The following AFF1 variants were observed in gnomAD, a reference collection of about 807,000 sequenced individuals.
AFF1 encodes ALF transcription elongation factor 1, also known as AF4/FMR2 family member 1.
Under a neutral mutation model 121.7 loss-of-function variants are expected in AFF1, and 48 were observed. The observed-to-expected ratio is 0.39, with a 90% CI of 0.31 to 0.50. The LOEUF is 0.50. Ranked by LOEUF, AFF1 falls within the 20% of genes least tolerant of loss-of-function variation. The pLI is 0.76. For missense variants in AFF1, 1,523 were observed against 1,511.7 expected (o/e 1.01, Z -0.12); for synonymous variants, 613 against 563.0 (o/e 1.09, Z -1.26).
chr4:87,066,744 G>A (rs1280067185), intron 4 of AFF1, among the ~76,000 whole-genome samples: 2 of 152,142 alleles, frequency 1.3e-5, no homozygotes, highest in African/African-American at 2.4e-5. Context: ...TGACTTGAGG[G>A]GTATCTTGGA....
chr4:87,111,997 CATAA>C (rs975591231), intron 11 of AFF1, among the ~76,000 whole-genome samples: 22 of 152,192 alleles, frequency 1.4e-4, no homozygotes, highest in Admixed American at 1.2e-3. Flanking sequence ...TGGGTTCACA[CATAA>C]ATAGTCTTCT....
chr4:87,112,430 G>A (rs564800088), intron 11 of AFF1, among the ~76,000 whole-genome samples: 6 of 152,290 alleles, frequency 3.9e-5, no homozygotes, highest in Non-Finnish European at 8.8e-5. Flanking sequence ...GCAGTATGGG[G>A]TAAACAGAAA....
intron 1 of AFF1, among the ~76,000 whole-genome samples, chr4:86,946,685 ACT>A (rs1226007169): frequency 1.3e-5 from 2 of 151,686 alleles, no homozygotes; most frequent in African/African-American, 2.4e-5. Context: ...CACCCGGCCC[ACT>A]CTCTTTATTC....
chr4:87,028,039 A>C (rs1304215151), intron 2 of AFF1, among the ~76,000 whole-genome samples: 1 of 152,026 alleles, frequency 6.6e-6, no homozygotes, highest in Non-Finnish European at 1.5e-5. Context: ...TCAGATTTTA[A>C]GATTAGTAGT....
chr4:87,047,288 A>C lies in AFF1; in HGVS notation c.753A>C (p.Lys251Asn), dbSNP rs1560572499. Residue 251 changes from lysine (K) to asparagine (N), a missense_variant, in exon 4 of 21, where the codon AAA becomes AAC. Lys to Asn is a moderately conservative substitution (Grantham distance 94, BLOSUM62 0). Transcript: ENST00000395146. ...SNNSKGYCPA[K>N]SPKDLAVKVH... ...ACAGTAAAGGCTATTGCCCAGCCAAATCTCCCAAGGACCTAGCAGTGAAAG... is the reference window on the plus strand; with the variant it reads ...ACAGTAAAGGCTATTGCCCAGCCAACTCTCCCAAGGACCTAGCAGTGAAAG... The C allele has an allele frequency of 6.2e-7, 1 of 1,614,186 alleles. No homozygotes were observed. Among genetic ancestry groups the C allele is most frequent in the Non-Finnish European group, 8.5e-7 (1 of 1,180,018 alleles).
chr4:87,074,428 T>C (rs1009453259), intron 4 of AFF1, among the ~76,000 whole-genome samples: 2 of 152,244 alleles, frequency 1.3e-5, no homozygotes, highest in African/African-American at 4.8e-5. Context: ...TTTAAAGTCT[T>C]AGACCATTGG....
At chr4:87,114,301 C>T (rs1212299660) in intron 11 of AFF1, 66 bp from the exon 12 acceptor site, 1 of 1,415,738 alleles carries the variant, frequency 7.1e-7, no homozygotes, top group African/African-American at 1.4e-5. Flanking sequence ...AATTGGGTGA[C>T]TAACACAAAA....
chr4:86,960,263 C>T (rs1471467743), intron 2 of AFF1, among the ~76,000 whole-genome samples: 1 of 152,160 alleles, frequency 6.6e-6, no homozygotes, highest in Non-Finnish European at 1.5e-5. Context: ...TCAAACACTA[C>T]TGGAAAAATG....
At chr4:86,956,370 A>G (rs1271021241) in intron 2 of AFF1, among the ~76,000 whole-genome samples, 1 of 152,232 alleles carries the variant, frequency 6.6e-6, no homozygotes, top group Non-Finnish European at 1.5e-5. Context: ...AAGGAAAGCT[A>G]AATTTTGCAT....
chr4:87,115,625 T>TTTTTTTTTTTTTCC (rs397994396), intron 12 of AFF1, among the ~76,000 whole-genome samples: 34 of 103,030 alleles, frequency 3.3e-4, no homozygotes, highest in African/African-American at 4.6e-4. Flanking sequence ...TTTTTTTTTT[T>TTTTTTTTTTTTTCC]CCAAAGACAG....
chr4:87,127,245 C>T (rs1728368515), intron 15 of AFF1, 128 bp downstream of exon 15: 1 of 776,832 alleles, frequency 1.3e-6, no homozygotes, highest in East Asian at 2.7e-5. Context: ...ACTGCAACCT[C>T]CACCTCCCGG....
intron 2 of AFF1, chr4:87,007,248 A>T (rs1012346973): frequency 1.3e-6 from 2 of 1,490,316 alleles, no homozygotes; most frequent in African/African-American, 1.4e-5. Flanking sequence ...TGCGCCGAGG[A>T]CGCCCGGGGC....
chr4:87,041,585 A>G (rs1730158644), intron 2 of AFF1, among the ~76,000 whole-genome samples: 1 of 152,198 alleles, frequency 6.6e-6, no homozygotes, highest in African/African-American at 2.4e-5. Context: ...GAGAACTTGT[A>G]ACTCACTATA....
chr4:87,064,878 GA>G (rs397932923), intron 4 of AFF1, among the ~76,000 whole-genome samples: 14 of 139,064 alleles, frequency 1.0e-4, no homozygotes, highest in African/African-American at 1.3e-4. Context: ...CGTCTCAAAA[GA>G]AAAAAAAAAA....
chr4:86,940,524 G>A (rs1040510568), intron 1 of AFF1, among the ~76,000 whole-genome samples: 1 of 152,058 alleles, frequency 6.6e-6, no homozygotes, highest in African/African-American at 2.4e-5. Flanking sequence ...TCAGCCACTC[G>A]AATAGCTGGG....
At chr4:87,000,303 C>T (rs1245803439) in intron 2 of AFF1, among the ~76,000 whole-genome samples, 1 of 152,136 alleles carries the variant, frequency 6.6e-6, no homozygotes, top group Non-Finnish European at 1.5e-5. Flanking sequence ...GGATAGCCAG[C>T]CTAAACTTCT....
Position 87,135,902 on chromosome 4 carries a change from A to G in AFF1, c.*201A>G, listed in dbSNP as rs1363959013. On this transcript the variant is annotated 3_prime_UTR_variant, in exon 21 of 21. Transcript: ENST00000395146. ...CTGTGGTTATGCAGAAGCAGAGATGAGGAGGCTGGCCCCAGAGATGATCTT... is the reference window on the plus strand; with the variant it reads ...CTGTGGTTATGCAGAAGCAGAGATGGGGAGGCTGGCCCCAGAGATGATCTT... 2.4e-6 allele frequency: 2 copies of G among 818,816 alleles called. No individual in the cohort carries two copies. The highest frequency in any genetic ancestry group is 3.4e-6 in the Non-Finnish European group (2 of 584,350). The allele number at this position is 818,816 out of a possible 1,614,324, so 50.7% of individuals were successfully genotyped here.
chr4:87,106,786 CAG>C (rs1031103104), intron 10 of AFF1, among the ~76,000 whole-genome samples: 1 of 152,212 alleles, frequency 6.6e-6, no homozygotes, highest in Non-Finnish European at 1.5e-5. Context: ...CTCATCCACT[CAG>C]AGACGACATT....
chr4:87,112,922 T>TA (rs1190033963), intron 11 of AFF1, among the ~76,000 whole-genome samples: 2 of 152,242 alleles, frequency 1.3e-5, no homozygotes, highest in Non-Finnish European at 2.9e-5. Context: ...CTCACTCTGT[T>TA]AGACACTAAT....
Sources: allele counts gnomAD v4.1 joint callset (sites outside exome capture counted in the v4.1 genomes callset), GRCh38; gene constraint gnomAD v4.1.1; transcripts MANE v1.5; gene names NCBI Gene and HGNC (gene_info 2026-07-23, HGNC 2026-07-21).